Variants in OPCML observed in about 807,000 individuals in gnomAD.
The protein encoded by OPCML is opioid-binding protein/cell adhesion molecule.
In OPCML, 13 loss-of-function variants were observed where a neutral mutation model predicts 37.8. The observed-to-expected ratio is 0.34, with a 90% CI of 0.22 to 0.55. The LOEUF is 0.55. Ranked by LOEUF, OPCML falls within the 20% of genes least tolerant of loss-of-function variation. OPCML has a pLI of 0.91. For missense variants in OPCML, 341 were observed against 435.6 expected (o/e 0.78, Z 1.93); for synonymous variants, 176 against 168.8 (o/e 1.04, Z -0.33).
At position 132,987,500 on chromosome 11, in the gene OPCML, T is replaced by C. The variant is rs188255415; in HGVS notation, c.62-44490A>G. Among the ~76,000 whole-genome samples, 252 of 152,230 alleles carry C rather than the reference T, an allele frequency of 1.7e-3. 7 individuals carry two copies. In the South Asian group the frequency reaches 0.051, roughly 31 times the overall value. On this transcript the variant is annotated intron_variant, in intron 1 of 7. Transcript: ENST00000524381. The stretch of plus-strand genomic sequence containing the variant: ...AGCTAGTGGTTTGTGAAAGGCCCCA[T>C]TGCGAGAGAGTTTGTGTTAATTCTG...
intron 1 of OPCML, among the ~76,000 whole-genome samples, chr11:133,264,008 T>C (rs1941572588): frequency 1.3e-5 from 2 of 152,220 alleles, no homozygotes; most frequent in African/African-American, 4.8e-5. Context: ...ATTTTATCTT[T>C]TGTTCTTATC....
intron 1 of OPCML, among the ~76,000 whole-genome samples, chr11:133,479,389 G>T (rs547386633): frequency 2.0e-5 from 3 of 152,184 alleles, no homozygotes; most frequent in Non-Finnish European, 4.4e-5. Flanking sequence ...ACATTCTTGG[G>T]GTGGGCTCAG....
At chr11:133,166,357 T>C (rs1950207973) in intron 1 of OPCML, among the ~76,000 whole-genome samples, 1 of 152,210 alleles carries the variant, frequency 6.6e-6, no homozygotes, top group African/African-American at 2.4e-5. Context: ...GCTATTAATA[T>C]CCACATATTC....
chr11:132,459,518 T>C (rs1041501105), intron 4 of OPCML, among the ~76,000 whole-genome samples: 4 of 148,346 alleles, frequency 2.7e-5, no homozygotes, highest in African/African-American at 9.8e-5. Flanking sequence ...AATATATATA[T>C]ATATATACAC....
At chr11:132,432,356 C>A (rs147802565) in intron 7 of OPCML, among the ~76,000 whole-genome samples, 1 of 152,170 alleles carries the variant, frequency 6.6e-6, no homozygotes. Flanking sequence ...AAGAGCAGGT[C>A]AACCAGACAC....
At chr11:132,989,624 T>C (rs1234080106) in intron 1 of OPCML, among the ~76,000 whole-genome samples, 1 of 150,778 alleles carries the variant, frequency 6.6e-6, no homozygotes, top group Non-Finnish European at 1.5e-5. Context: ...TGTGTGTGTG[T>C]GTGTGTGTGT....
At chr11:132,712,861 A>G (rs1417484267) in intron 2 of OPCML, among the ~76,000 whole-genome samples, 1 of 152,234 alleles carries the variant, frequency 6.6e-6, no homozygotes, top group Non-Finnish European at 1.5e-5. Context: ...TCATAAAATA[A>G]TTATAAAGTA....
At chr11:132,952,112 T>C (rs1945873273) in intron 1 of OPCML, among the ~76,000 whole-genome samples, 1 of 152,236 alleles carries the variant, frequency 6.6e-6, no homozygotes, top group Admixed American at 6.5e-5. Flanking sequence ...GTGAGAAGCC[T>C]GGGTTTGATG....
intron 2 of OPCML, among the ~76,000 whole-genome samples, chr11:132,715,615 T>C (rs1048049204): frequency 2.0e-5 from 3 of 152,200 alleles, no homozygotes; most frequent in Non-Finnish European, 2.9e-5. Flanking sequence ...CAGCTTGCTT[T>C]CTCTCTCTGC....
chr11:133,353,523 AT>A (rs1354100726), intron 1 of OPCML, among the ~76,000 whole-genome samples: 2 of 152,050 alleles, frequency 1.3e-5, no homozygotes, highest in African/African-American at 4.8e-5. Flanking sequence ...TTGACTGCAT[AT>A]TTTAAGTGCT....
chr11:133,359,711 G>T (rs1198599897), intron 1 of OPCML, among the ~76,000 whole-genome samples: 1 of 152,174 alleles, frequency 6.6e-6, no homozygotes, highest in African/African-American at 2.4e-5. Context: ...TGTATTGTGG[G>T]TGGTCGTTTA....
At position 132,582,846 on chromosome 11, in the gene OPCML, G is replaced by GTTGTTTTTT. The variant is rs1555158670; in HGVS notation, c.380-53661_380-53660insAAAAAACAA. On this transcript the variant is annotated intron_variant, in intron 3 of 7. Transcript: ENST00000524381. ...CTTCAGAGTTGTTTTTTTGTTTAAG[G>GTTGTTTTTT]TTTTTTTTTTTTTTTTTTTTTGATA... Among the ~76,000 whole-genome samples the GTTGTTTTTT allele has an allele frequency of 2.3e-4, 10 of 43,718 alleles. 1 individual carries two copies. The highest frequency in any genetic ancestry group is 3.7e-4 in the Non-Finnish European group (8 of 21,762). 28.7% of individuals were successfully genotyped at this position (43,718 alleles called of 152,430 possible).
intron 2 of OPCML, among the ~76,000 whole-genome samples, chr11:132,888,223 G>A (rs1044333973): frequency 3.9e-5 from 6 of 152,254 alleles, no homozygotes; most frequent in Non-Finnish European, 5.9e-5. Context: ...TGGGTGGGAC[G>A]TCTCACCCCA....
At chr11:133,047,751 T>C (rs1591949233) in intron 1 of OPCML, among the ~76,000 whole-genome samples, 1 of 151,794 alleles carries the variant, frequency 6.6e-6, no homozygotes, top group South Asian at 2.1e-4. Context: ...GCAGACAGGG[T>C]GGGAAAAGGA....
intron 3 of OPCML, among the ~76,000 whole-genome samples, chr11:132,651,404 T>A (rs1318381550): frequency 6.6e-6 from 1 of 152,200 alleles, no homozygotes; most frequent in Non-Finnish European, 1.5e-5. Flanking sequence ...GCATATAAAG[T>A]ACCTTGTTAA....
At chr11:132,446,947 T>A (rs569358211) in intron 4 of OPCML, among the ~76,000 whole-genome samples, 8 of 152,260 alleles carry the variant, frequency 5.3e-5, no homozygotes, top group African/African-American at 1.9e-4. Context: ...TATAGGAGTG[T>A]CTTGTGCCCT....
intron 1 of OPCML, among the ~76,000 whole-genome samples, chr11:132,978,881 C>T (rs913704205): frequency 6.6e-6 from 1 of 152,156 alleles, no homozygotes; most frequent in African/African-American, 2.4e-5. Context: ...TTCATCTGCT[C>T]AGTTACCCTC....
At chr11:133,047,965 C>T (rs1318329732) in intron 1 of OPCML, among the ~76,000 whole-genome samples, 4 of 152,120 alleles carry the variant, frequency 2.6e-5, no homozygotes, top group Admixed American at 2.6e-4. Context: ...AGGGTTTCTG[C>T]CCTATTTGTC....
chr11:132,675,747 G>T (rs1942674072), intron 2 of OPCML, among the ~76,000 whole-genome samples: 1 of 152,054 alleles, frequency 6.6e-6, no homozygotes, highest in Non-Finnish European at 1.5e-5. Flanking sequence ...GAATTACAAA[G>T]CTTATGCTCT....
Sources: gnomAD v4.1 joint callset for allele counts (sites outside exome capture counted in the v4.1 genomes callset) on GRCh38, gnomAD v4.1.1 for gene constraint, MANE v1.5 for transcripts, NCBI Gene and HGNC (gene_info 2026-07-23, HGNC 2026-07-21) for gene names.